Variants in SIL1 observed in about 807,000 individuals in gnomAD.
SIL1 encodes the protein SIL1 nucleotide exchange factor, also known as nucleotide exchange factor SIL1.
A neutral mutation model predicts 49.1 loss-of-function variants in SIL1; 40 were observed. The ratio of observed to expected loss-of-function variants is 0.81; its 90% CI spans 0.63 to 1.06. The LOEUF is 1.06. Ranked by LOEUF, SIL1 falls within the 50% of genes least tolerant of loss-of-function variation. The probability of loss-of-function intolerance (pLI) is 0.00; values close to 1 mark genes in which losing one functional copy is unlikely to be tolerated. For synonymous variants in SIL1, 253 were observed against 250.8 expected (o/e 1.01, Z -0.08); for missense variants, 500 against 572.6 (o/e 0.87, Z 1.29).
At chr5:139,002,022 G>A (rs1767996695) in intron 7 of SIL1, among the ~76,000 whole-genome samples, 1 of 151,962 alleles carries the variant, frequency 6.6e-6, no homozygotes, top group Non-Finnish European at 1.5e-5. Flanking sequence ...ACCAGCCTGG[G>A]CAACATGGTG....
intron 1 of SIL1, among the ~76,000 whole-genome samples, chr5:139,151,687 GCA>G (rs1751304034): frequency 6.6e-6 from 1 of 152,158 alleles, no homozygotes; most frequent in Admixed American, 6.6e-5. Context: ...TCCCGCAACT[GCA>G]CAGTTGGGTC....
intron 1 of SIL1, among the ~76,000 whole-genome samples, chr5:139,166,777 G>T (rs145993361): frequency 6.6e-6 from 1 of 151,156 alleles, no homozygotes; most frequent in South Asian, 2.1e-4. Context: ...CCTAAGTAAC[G>T]GGCACTACAG....
At chr5:139,094,090 T>G (rs745594063) in intron 3 of SIL1, among the ~76,000 whole-genome samples, 7 of 152,212 alleles carry the variant, frequency 4.6e-5, no homozygotes, top group African/African-American at 7.2e-5. Context: ...TTCCTGCTGA[T>G]GGAGTGAACA....
At chr5:138,993,153 T>G (rs1228346037) in intron 7 of SIL1, among the ~76,000 whole-genome samples, 1 of 152,198 alleles carries the variant, frequency 6.6e-6, no homozygotes, top group East Asian at 1.9e-4. Context: ...AAGCATCATT[T>G]GACAGCTTCT....
intron 7 of SIL1, among the ~76,000 whole-genome samples, chr5:138,955,751 G>A (rs1766888456): frequency 6.6e-6 from 1 of 152,234 alleles, no homozygotes; most frequent in Non-Finnish European, 1.5e-5. Flanking sequence ...GAAATTTCAA[G>A]ACAGTGAGAA....
intron 3 of SIL1, among the ~76,000 whole-genome samples, chr5:139,095,472 C>T (rs1057483464): frequency 3.9e-5 from 6 of 151,978 alleles, no homozygotes; most frequent in East Asian, 1.9e-4. Context: ...ATGTTGGCCA[C>T]GCTGGTCTTG....
chr5:139,173,533 G>C (rs1332980543), intron 1 of SIL1, among the ~76,000 whole-genome samples: 2 of 152,132 alleles, frequency 1.3e-5, no homozygotes, highest in Non-Finnish European at 2.9e-5. Flanking sequence ...CTGGGAAACA[G>C]AGTGAGACGC....
At chr5:139,161,866 A>C (rs961743363) in intron 1 of SIL1, among the ~76,000 whole-genome samples, 3 of 152,084 alleles carry the variant, frequency 2.0e-5, no homozygotes, top group African/African-American at 7.2e-5. Flanking sequence ...CACAAAAATT[A>C]GCTGGGCATG....
At chr5:139,193,182 A>G (rs969064853) in intron 1 of SIL1, among the ~76,000 whole-genome samples, 4 of 152,150 alleles carry the variant, frequency 2.6e-5, no homozygotes, top group East Asian at 1.9e-4. Flanking sequence ...TTCTTGGGGG[A>G]AAAAAAGTTA....
intron 3 of SIL1, among the ~76,000 whole-genome samples, chr5:139,079,671 G>GCTGCAAATAGAA (rs1208233421): frequency 3.9e-5 from 6 of 152,156 alleles, no homozygotes; most frequent in Non-Finnish European, 8.8e-5. Context: ...AGTTCAAGTG[G>GCTGCAAATAGAA]CTGCAAATAG....
At chr5:139,102,484 C>CAAAA (rs57739735) in intron 3 of SIL1, among the ~76,000 whole-genome samples, 1 of 115,686 alleles carries the variant, frequency 8.6e-6, no homozygotes, top group African/African-American at 3.2e-5. Flanking sequence ...TGTCAGCAGG[C>CAAAA]AAAAAAAAAA....
At chr5:139,045,473 CCCAGAATG>C (rs1355087272) in intron 4 of SIL1, among the ~76,000 whole-genome samples, 1 of 152,150 alleles carries the variant, frequency 6.6e-6, no homozygotes, top group Non-Finnish European at 1.5e-5. Flanking sequence ...AGCCACATAG[CCCAGAATG>C]CCTTGGAGTT....
At chr5:139,085,563 G>T (rs116815256) in intron 3 of SIL1, among the ~76,000 whole-genome samples, 1,815 of 152,310 alleles carry the variant, frequency 0.012, 35 homozygotes, top group African/African-American at 0.04. Context: ...ACAGAGCAAT[G>T]CAAGTGACTA....
At chr5:139,083,773 G>A (rs1307860179) in intron 3 of SIL1, among the ~76,000 whole-genome samples, 1 of 10,948 alleles carries the variant, frequency 9.1e-5, no homozygotes, top group African/African-American at 4.0e-4. Flanking sequence ...TGTCCTGAAT[G>A]GTAATGCCTA....
At chr5:138,961,952 CTT>C (rs10593901) in intron 7 of SIL1, among the ~76,000 whole-genome samples, 91 of 119,728 alleles carry the variant, frequency 7.6e-4, no homozygotes, top group African/African-American at 2.0e-3. Flanking sequence ...GTTCTCTAGA[CTT>C]TTTTTTTTTT....
intron 3 of SIL1, among the ~76,000 whole-genome samples, chr5:139,108,941 C>A (rs1186531282): frequency 8.6e-5 from 13 of 151,994 alleles, no homozygotes; most frequent in Admixed American, 8.5e-4. Flanking sequence ...CAAACGGCCA[C>A]TTTAGAACCA....
chr5:139,000,301 C>T (rs756881146), intron 7 of SIL1, among the ~76,000 whole-genome samples: 1 of 152,082 alleles, frequency 6.6e-6, no homozygotes, highest in Non-Finnish European at 1.5e-5. Flanking sequence ...ATCCTTGTAT[C>T]CCTGACCCAA....
intron 6 of SIL1, among the ~76,000 whole-genome samples, chr5:139,024,066 A>G (rs1335014657): frequency 6.6e-6 from 1 of 152,202 alleles, no homozygotes; most frequent in Non-Finnish European, 1.5e-5. Flanking sequence ...TGTTGGGGCA[A>G]TGCTAGCCCA....
intron 1 of SIL1, among the ~76,000 whole-genome samples, chr5:139,174,695 T>C (rs975235584): frequency 1.1e-4 from 17 of 151,590 alleles, no homozygotes; most frequent in African/African-American, 4.1e-4. Context: ...CCCAGCACTT[T>C]GGGAGGCCAA....
Sources: gnomAD v4.1 joint callset for allele counts (sites outside exome capture counted in the v4.1 genomes callset) on GRCh38, gnomAD v4.1.1 for gene constraint, MANE v1.5 for transcripts, NCBI Gene and HGNC (gene_info 2026-07-23, HGNC 2026-07-21) for gene names.